The following ANO10 variants were observed in gnomAD, a reference collection of about 807,000 sequenced individuals.
ANO10 encodes anoctamin-10.
ANO10 carries 77 observed loss-of-function variants against 74.7 expected under a neutral mutation model. That is an observed-to-expected ratio of 1.03 (90% CI 0.86 to 1.25). The LOEUF (loss-of-function observed/expected upper bound fraction) is 1.25, where lower values mean the gene tolerates loss of function less well. Ranked by LOEUF, ANO10 falls within the 50% of genes most tolerant of loss-of-function variation. The pLI is 0.00. For synonymous variants in ANO10, 279 were observed against 284.9 expected, an observed-to-expected ratio of 0.98 and a Z score of 0.21; for missense variants, 721 against 778.1, an observed-to-expected ratio of 0.93 and a Z score of 0.87.
At chr3:43,678,985 C>G (rs575122116) in intron 1 of ANO10, among the ~76,000 whole-genome samples, 1 of 152,200 alleles carries the variant, frequency 6.6e-6, no homozygotes, top group African/African-American at 2.4e-5. Context: ...TGAATAGGAA[C>G]AGCTGCAGTC....
chr3:43,617,835 C>T (rs189360256), intron 1 of ANO10, among the ~76,000 whole-genome samples: 2 of 152,144 alleles, frequency 1.3e-5, no homozygotes, highest in Admixed American at 6.5e-5. Flanking sequence ...GAAACAGGAA[C>T]GAAAAGTATT....
At chr3:43,604,473 T>C (rs1158807139) in intron 2 of ANO10, among the ~76,000 whole-genome samples, 2 of 152,058 alleles carry the variant, frequency 1.3e-5, no homozygotes, top group Non-Finnish European at 1.5e-5. Context: ...GCCTGTTTCC[T>C]AGCTTCCAAT....
In ANO10 at chr3:43,383,474, AG is replaced by A. The variant is rs112620879; in HGVS notation, c.1915-16501del. On this transcript the variant is annotated intron_variant, in intron 12 of 12. Coordinates refer to ENST00000292246, the MANE Select transcript of ANO10 (RefSeq NM_018075.5). Reference sequence around the variant, plus strand: ...GTCTCAAAAAAAAAAAAAAAAAAAAAGGATACTCCACCATGATCAAGTGGGT... The same window carrying A: ...GTCTCAAAAAAAAAAAAAAAAAAAAAGATACTCCACCATGATCAAGTGGGT... 2.1e-3 allele frequency among the ~76,000 whole-genome samples: 316 copies of A among 149,010 alleles called. 19 individuals are homozygous for A. The highest frequency in any genetic ancestry group is 3.6e-3 in the Non-Finnish European group (238 of 66,934).
At chr3:43,456,130 C>G (rs2075114096) in intron 11 of ANO10, among the ~76,000 whole-genome samples, 1 of 152,138 alleles carries the variant, frequency 6.6e-6, no homozygotes, top group Non-Finnish European at 1.5e-5. Context: ...CTGGGCTCAG[C>G]AGGTGAGCAG....
At chr3:43,445,059 C>T (rs2093223546) in intron 11 of ANO10, among the ~76,000 whole-genome samples, 2 of 142,518 alleles carry the variant, frequency 1.4e-5, no homozygotes, top group Admixed American at 1.5e-4. Flanking sequence ...GGAGGAGGAG[C>T]TTGCAGTGAG....
rs754928302 is a variant in ANO10 at position 43,577,233 on chromosome 3, T to A, written c.621A>T (p.Thr207=). 6.2e-7 allele frequency: 1 copy of A among 1,614,078 alleles called. No individual in the cohort carries two copies. Among genetic ancestry groups the A allele is most frequent in the Non-Finnish European group, 8.5e-7 (1 of 1,180,008 alleles). Residue 207 remains threonine (T), a synonymous_variant, in exon 6 of 13, where the codon ACA becomes ACT. Coordinates refer to ENST00000292246, the MANE Select transcript of ANO10 (RefSeq NM_018075.5). ...IDSIRGYFGE[T]IALYFGFLEY... ...CCAAAAATCCAAAGTACAGAGCAAT[T>A]GTTTCCCCAAAGTAGCCACGAATAC...
chr3:43,488,866 C>A (rs944940289), intron 11 of ANO10, among the ~76,000 whole-genome samples: 1 of 152,100 alleles, frequency 6.6e-6, no homozygotes, highest in Non-Finnish European at 1.5e-5. Flanking sequence ...AAGACACATG[C>A]ACACATATGT....
chr3:43,687,483 C>CA (rs1231445584), intron 1 of ANO10, among the ~76,000 whole-genome samples: 1 of 152,002 alleles, frequency 6.6e-6, no homozygotes, highest in African/African-American at 2.4e-5. Flanking sequence ...CCCAGTGGGG[C>CA]ACCAGTCATC....
chr3:43,577,286 A>G (rs368965701), intron 5 of ANO10, 25 bp from the exon 6 acceptor site: 83 of 1,599,282 alleles, frequency 5.2e-5, no homozygotes, highest in Non-Finnish European at 6.7e-5. Context: ...AAGAAAGAAC[A>G]TAAGTATAGA....
At chr3:43,414,049 G>A (rs936408438) in intron 12 of ANO10, among the ~76,000 whole-genome samples, 2 of 152,038 alleles carry the variant, frequency 1.3e-5, no homozygotes, top group African/African-American at 4.8e-5. Flanking sequence ...CAAGAGCTTT[G>A]AAGATTGGAA....
intron 11 of ANO10, among the ~76,000 whole-genome samples, chr3:43,508,200 G>C (rs889631495): frequency 6.6e-6 from 1 of 151,996 alleles, no homozygotes; most frequent in Non-Finnish European, 1.5e-5. Context: ...GTCATGAAGA[G>C]ACCTCATCAA....
At chr3:43,382,514 G>A (rs568984715) in intron 12 of ANO10, among the ~76,000 whole-genome samples, 4 of 137,280 alleles carry the variant, frequency 2.9e-5, no homozygotes, top group Admixed American at 7.3e-5. Flanking sequence ...GCGAGACTCC[G>A]TCTCAAAAAA....
chr3:43,392,468 G>T (rs943148571), intron 12 of ANO10, among the ~76,000 whole-genome samples: 6 of 152,334 alleles, frequency 3.9e-5, no homozygotes, highest in African/African-American at 1.4e-4. Context: ...ATCAGGAACT[G>T]TAGAAAGCTC....
rs969767675 is a variant in ANO10, at chr3:43,372,795, G to A, written c.1915-5821C>T. On this transcript the variant is annotated intron_variant, in intron 12 of 12. Coordinates refer to ENST00000292246, the MANE Select transcript of ANO10 (RefSeq NM_018075.5). ...AGGACCTATGACAGTGCCTGGCACT[G>A]AGTTGGTGCTCCATGAATACCGTGG... is the stretch of plus-strand genomic sequence containing the variant. The A allele has an allele frequency of 2.0e-6, 3 of 1,525,666 alleles. No homozygotes were observed. In the African/African-American group the frequency reaches 4.1e-5, roughly 21 times the overall value. The allele number at this position is 1,525,666 out of a possible 1,614,324, so 94.5% of individuals were successfully genotyped here.
At chr3:43,435,821 A>T (rs1298554875) in intron 11 of ANO10, among the ~76,000 whole-genome samples, 1 of 152,202 alleles carries the variant, frequency 6.6e-6, no homozygotes, top group African/African-American at 2.4e-5. Flanking sequence ...CTAGCAAGTT[A>T]TTTCTTGCTA....
intron 11 of ANO10, among the ~76,000 whole-genome samples, chr3:43,527,528 C>A (rs1266837584): frequency 1.3e-5 from 2 of 152,114 alleles, no homozygotes; most frequent in Non-Finnish European, 2.9e-5. Flanking sequence ...AAATCCAAAT[C>A]TCTCCATATA....
intron 1 of ANO10, among the ~76,000 whole-genome samples, chr3:43,672,896 T>C (rs1250366911): frequency 1.3e-5 from 2 of 152,192 alleles, no homozygotes; most frequent in Non-Finnish European, 2.9e-5. Context: ...ATACTCTCAA[T>C]TTCAAAGTTC....
At chr3:43,589,087 A>C (rs2081605577) in intron 4 of ANO10, among the ~76,000 whole-genome samples, 1 of 152,216 alleles carries the variant, frequency 6.6e-6, no homozygotes, top group South Asian at 2.1e-4. Context: ...AAATAATGAA[A>C]TATTAAATGG....
intron 11 of ANO10, among the ~76,000 whole-genome samples, chr3:43,467,461 C>G (rs1014457528): frequency 6.6e-6 from 1 of 152,154 alleles, no homozygotes; most frequent in Non-Finnish European, 1.5e-5. Flanking sequence ...ATCTCAAAAG[C>G]ATTATGCTAA....
Sources: allele counts gnomAD v4.1 joint callset (sites outside exome capture counted in the v4.1 genomes callset), GRCh38; gene constraint gnomAD v4.1.1; transcripts MANE v1.5; gene names NCBI Gene and HGNC (gene_info 2026-07-23, HGNC 2026-07-21).